Variants in IL5RA observed in about 807,000 individuals in gnomAD.
The protein encoded by IL5RA is interleukin 5 receptor subunit alpha.
A neutral mutation model predicts 50.0 loss-of-function variants in IL5RA; 49 were observed. That is an observed-to-expected ratio of 0.98 (90% CI 0.78 to 1.24). The LOEUF is 1.24. IL5RA is among the 50% of genes most tolerant of loss of function. The pLI is 0.00. For synonymous variants in IL5RA, 202 were observed against 174.0 expected (o/e 1.16, Z -1.26); for missense variants, 600 against 500.4 (o/e 1.20, Z -1.90).
chr3:3,082,680 C>G (rs915348673), intron 9 of IL5RA, among the ~76,000 whole-genome samples: 1 of 152,206 alleles, frequency 6.6e-6, no homozygotes, highest in African/African-American at 2.4e-5. Context: ...AGTGGCAACA[C>G]AGAGGGCAGA....
chr3:3,078,798 C>T (rs1702569538), intron 9 of IL5RA, among the ~76,000 whole-genome samples: 1 of 150,244 alleles, frequency 6.7e-6, no homozygotes. Flanking sequence ...CCCGCCACTG[C>T]ACTCCAGCCT....
chr3:3,090,958 G>A (rs569136420), intron 9 of IL5RA, among the ~76,000 whole-genome samples: 1 of 152,212 alleles, frequency 6.6e-6, no homozygotes, highest in Admixed American at 6.5e-5. Context: ...GGTAAGACTG[G>A]AAATGTGCCC....
intron 5 of IL5RA, among the ~76,000 whole-genome samples, chr3:3,099,275 A>G (rs1215445932): frequency 1.3e-5 from 2 of 152,156 alleles, no homozygotes; most frequent in Non-Finnish European, 2.9e-5. Context: ...GCGGGTGGAT[A>G]TCTCTTGAGC....
At chr3:3,081,883 A>G (rs1702675034) in intron 9 of IL5RA, among the ~76,000 whole-genome samples, 3 of 152,204 alleles carry the variant, frequency 2.0e-5, no homozygotes, top group Admixed American at 1.3e-4. Flanking sequence ...GTTGCCCCAA[A>G]TGCATTAGGG....
rs1702183336 is a variant in IL5RA at position 3,068,203 on chromosome 3, G to A, written c.*2022C>T. 1.3e-5 allele frequency: 2 copies of A among 152,282 alleles called. No homozygotes were observed. Among genetic ancestry groups the A allele is most frequent in the Admixed American group, 1.3e-4 (2 of 15,290 alleles). 9.4% of individuals were successfully genotyped at this position (152,282 alleles called of 1,614,324 possible). ...AGACCTATTCAGTTAGAGACTCTAA[G>A]AATGGAGCCCACTCCTCTGTGTCTT... On this transcript the variant is annotated 3_prime_UTR_variant, in exon 12 of 12. Coordinates refer to ENST00000446632, the MANE Select transcript of IL5RA (RefSeq NM_175726.4).
rs1233031529 is a variant in IL5RA at position 3,070,051 on chromosome 3, A to C, written c.*174T>G. On this transcript the variant is annotated 3_prime_UTR_variant, in exon 12 of 12. Coordinates refer to ENST00000446632, the MANE Select transcript of IL5RA (RefSeq NM_175726.4). Reference sequence around the variant, plus strand: ...TGCTGTAGGTGAGGCGATTTGGATGAAGCATCCATACTTTTAAGAGATACA... The same window carrying C: ...TGCTGTAGGTGAGGCGATTTGGATGCAGCATCCATACTTTTAAGAGATACA... The C allele has an allele frequency of 7.1e-6, 4 of 563,024 alleles. No homozygotes were observed. The highest frequency in any genetic ancestry group is 1.3e-5 in the Non-Finnish European group (4 of 312,368). 34.9% of individuals were successfully genotyped at this position (563,024 alleles called of 1,614,324 possible).
chr3:3,088,489 T>C (rs1390047611), intron 9 of IL5RA, among the ~76,000 whole-genome samples: 1 of 152,256 alleles, frequency 6.6e-6, no homozygotes, highest in African/African-American at 2.4e-5. Context: ...AAGCAGTCTC[T>C]GATTACTTTG....
chr3:3,083,898 A>T (rs1481822038), intron 9 of IL5RA, among the ~76,000 whole-genome samples: 2 of 152,016 alleles, frequency 1.3e-5, no homozygotes, highest in Non-Finnish European at 2.9e-5. Context: ...AAAGATACAA[A>T]ATTAGCCAGG....
In IL5RA at chr3:3,105,034, A is replaced by T. The variant is rs980040786; in HGVS notation, c.-3-47T>A. ...CCAAAATCATCTTGTTGCTATTTTT[A>T]AGAAAAACTGATAGCTGCTTTCTAA... On this transcript the variant is annotated intron_variant, in intron 2 of 11. Coordinates refer to ENST00000446632, the MANE Select transcript of IL5RA (RefSeq NM_175726.4). 3 of 1,202,108 alleles carry T rather than the reference A, an allele frequency of 2.5e-6. No homozygotes were observed. In the African/African-American group the frequency reaches 4.5e-5, roughly 18 times the overall value. 74.5% of individuals were successfully genotyped at this position (1,202,108 alleles called of 1,614,324 possible).
In IL5RA at chr3:3,092,679, C is replaced by T. The variant is rs1402681498; in HGVS notation, c.856-317G>A. On this transcript the variant is annotated intron_variant, in intron 8 of 11. Transcript: ENST00000446632. The surrounding 1 kb of genome is among the most constrained non-coding windows in gnomAD (Gnocchi z 4.2). ...TGGCCTATGCTAGAATGCATTATTCCCTCACCTTGTCTCTCCATAATCTAT... is the reference window on the plus strand; with the variant it reads ...TGGCCTATGCTAGAATGCATTATTCTCTCACCTTGTCTCTCCATAATCTAT... Among the ~76,000 whole-genome samples, 2 of 152,154 alleles carry T rather than the reference C, an allele frequency of 1.3e-5. No individual in the cohort carries two copies. The highest frequency in any genetic ancestry group is 2.9e-5 in the Non-Finnish European group (2 of 68,040).
At chr3:3,108,154 A>G (rs1338472816) in intron 2 of IL5RA, among the ~76,000 whole-genome samples, 2 of 152,210 alleles carry the variant, frequency 1.3e-5, no homozygotes, top group Non-Finnish European at 2.9e-5. Context: ...ATAATCAGCA[A>G]TAAAAGTTAT....
At chr3:3,100,234 T>C (rs1485881832) in intron 5 of IL5RA, among the ~76,000 whole-genome samples, 1 of 152,110 alleles carries the variant, frequency 6.6e-6, no homozygotes, top group Non-Finnish European at 1.5e-5. Flanking sequence ...GAGCTGTAGA[T>C]CATTTTTATC....
chr3:3,084,287 GA>G (rs1294589338), intron 9 of IL5RA, among the ~76,000 whole-genome samples: 1 of 152,140 alleles, frequency 6.6e-6, no homozygotes, highest in Non-Finnish European at 1.5e-5. Flanking sequence ...AATTCATCAA[GA>G]TAATTTCCCT....
intron 9 of IL5RA, chr3:3,090,025 G>A (rs1334057379): frequency 8.8e-6 from 5 of 566,912 alleles, no homozygotes; most frequent in South Asian, 2.1e-5. Flanking sequence ...TTAATCTGGG[G>A]TTAGAGCCCC....
At chr3:3,094,064 A>G (rs1574997638) in intron 8 of IL5RA, among the ~76,000 whole-genome samples, 1 of 152,190 alleles carries the variant, frequency 6.6e-6, no homozygotes, top group East Asian at 1.9e-4. Context: ...CTTTCTTCTC[A>G]GTTCCTTTCC....
intron 2 of IL5RA, among the ~76,000 whole-genome samples, chr3:3,106,704 A>G (rs2125987738): frequency 6.6e-6 from 1 of 152,300 alleles, no homozygotes; most frequent in Non-Finnish European, 1.5e-5. Context: ...ATTCCTTAAG[A>G]ACAGCAACAA....
Position 3,069,855 on chromosome 3 carries a change from G to T in IL5RA, c.*370C>A. 5.7e-6 allele frequency: 1 copy of T among 174,550 alleles called. No individual in the cohort carries two copies. The highest frequency in any genetic ancestry group is 1.2e-5 in the Non-Finnish European group (1 of 82,930). 10.8% of individuals were successfully genotyped at this position (174,550 alleles called of 1,614,324 possible). On this transcript the variant is annotated 3_prime_UTR_variant, in exon 12 of 12. Coordinates refer to ENST00000446632, the MANE Select transcript of IL5RA (RefSeq NM_175726.4). ...AATTGGCAGCTTAAACAGCCAAACGGGCACAGCCAGAAGTAAATACAGCTG... is the reference window on the plus strand; with the variant it reads ...AATTGGCAGCTTAAACAGCCAAACGTGCACAGCCAGAAGTAAATACAGCTG...
intron 8 of IL5RA, among the ~76,000 whole-genome samples, chr3:3,093,140 T>C (rs1323079590): frequency 6.6e-6 from 1 of 152,200 alleles, no homozygotes; most frequent in Non-Finnish European, 1.5e-5. Context: ...GCCACTTCTT[T>C]ATTTTTTAGC....
chr3:3,101,434 T>C (rs1422441786), intron 5 of IL5RA, among the ~76,000 whole-genome samples: 4 of 152,212 alleles, frequency 2.6e-5, no homozygotes, highest in Admixed American at 2.6e-4. Context: ...TTACTGACTC[T>C]AAGTATCAGA....
Sources: allele counts gnomAD v4.1 joint callset (sites outside exome capture counted in the v4.1 genomes callset), GRCh38; gene constraint gnomAD v4.1.1; non-coding constraint Gnocchi (gnomAD v3.1); transcripts MANE v1.5; gene names NCBI Gene and HGNC (gene_info 2026-07-23, HGNC 2026-07-21).